The following FBH1 variants were observed in gnomAD, a reference collection of about 807,000 sequenced individuals.
FBH1 encodes F-box DNA helicase 1.
In FBH1, 43 loss-of-function variants were observed where a neutral mutation model predicts 115.5. The observed-to-expected ratio is 0.37, with a 90% confidence interval of 0.29 to 0.48. The LOEUF is 0.48. Ranked by LOEUF, FBH1 falls within the 20% of genes least tolerant of loss-of-function variation. The pLI, the probability that FBH1 is intolerant of heterozygous loss-of-function variation, is 0.99. For synonymous variants in FBH1, 524 were observed against 507.8 expected (o/e 1.03, Z -0.43); for missense variants, 1,001 against 1,337.3 (o/e 0.75, Z 3.92).
chr10:5,913,287 G>C lies in FBH1; in HGVS notation c.1212-460G>C, dbSNP rs1340151404. 3.9e-5 allele frequency among the ~76,000 whole-genome samples: 6 copies of C among 152,214 alleles called. No homozygotes were observed. The highest frequency in any genetic ancestry group is 1.4e-4 in the African/African-American group (6 of 41,454). The stretch of plus-strand genomic sequence containing the variant: ...CTTAAAAGATAGAATGTGTTCATGC[G>C]TCTAAAGCAATGTCATGTCATAAGA... On this transcript the variant is annotated intron_variant, in intron 6 of 20. Transcript: ENST00000362091. The surrounding 1 kb of genome is among the most constrained non-coding windows in gnomAD (Gnocchi z 4.4).
chr10:5,905,824 C>G (rs1210703000), intron 2 of FBH1, among the ~76,000 whole-genome samples: 1 of 152,150 alleles, frequency 6.6e-6, no homozygotes, highest in East Asian at 1.9e-4. Flanking sequence ...TGGTCTCTGT[C>G]TCTTTGCAAA....
Position 5,903,060 on chromosome 10 carries a change from C to T in FBH1, c.42C>T (p.Cys14=), listed in dbSNP as rs771142660. ...GGAAGCATCTTACTGCCATTGACTG[C>T]CAGCATTTGGCTCGGAGTCACTTGG... The part of the protein sequence containing the change: ...FKRKHLTAID[C]QHLARSHLAV... Residue 14 remains cysteine, a synonymous_variant, in exon 2 of 21, where the codon TGC becomes TGT. Coordinates refer to ENST00000362091, the MANE Select transcript of FBH1 (RefSeq NM_178150.3). 6 of 1,613,170 alleles carry T rather than the reference C, an allele frequency of 3.7e-6. No individual in the cohort carries two copies. In the East Asian group the frequency reaches 1.3e-4, roughly 36 times the overall value.
rs1843298286 is a variant in FBH1, at chr10:5,900,757, A to G, written c.2-2263A>G. On this transcript the variant is annotated intron_variant, in intron 1 of 20. Transcript: ENST00000362091. The surrounding 1 kb of genome is among the most constrained non-coding windows in gnomAD (Gnocchi z 4.2). The stretch of plus-strand genomic sequence containing the variant: ...ATAATGAAAAAATATTGTAAACTAT[A>G]TCAGCTAAATCACTGGGGTCTTGGC... 6.6e-6 allele frequency among the ~76,000 whole-genome samples: 1 copy of G among 152,194 alleles called. No homozygotes were observed. The highest frequency in any genetic ancestry group is 2.4e-5 in the African/African-American group (1 of 41,436).
chr10:5,915,826 A>G lies in FBH1; in HGVS notation c.1565+255A>G, dbSNP rs1399559564. On this transcript the variant is annotated intron_variant, in intron 9 of 20. Transcript: ENST00000362091. The surrounding 1 kb of genome is among the most constrained non-coding windows in gnomAD (Gnocchi z 5.2). ...TGGAAGTGAGGCACAGAAAGTCAAA[A>G]TGACTTGCTTAAAGTTCAGAGTCTC... 1.9e-6 allele frequency: 1 copy of G among 517,406 alleles called. No homozygotes were observed. The highest frequency in any genetic ancestry group is 1.9e-5 in the African/African-American group (1 of 52,334). The allele number at this position is 517,406 out of a possible 1,614,324, so 32.1% of individuals were successfully genotyped here. A position where few individuals can be genotyped will look rare whatever the true frequency, so the allele number is the denominator to read the frequency against.
chr10:5,936,584 C>T lies in FBH1; in HGVS notation c.2958C>T (p.Thr986=). ...TVLTMKKLPI[T]YSNRKENKGG... ...TTACCATGAAGAAGCTGCCCATCAC[C>T]TATGTACGTCTGCTGTCTGTGGAAC... is the stretch of plus-strand genomic sequence containing the variant. Residue 986 remains threonine, a synonymous_variant, in exon 20 of 21, where the codon ACC becomes ACT. Transcript: ENST00000362091. This position sits in a 1 kb window ranked among gnomAD's most constrained non-coding sequence, Gnocchi z 5.6. 6.2e-7 allele frequency: 1 copy of T among 1,613,832 alleles called. No homozygotes were observed.
rs1012413421 is a variant in FBH1 at position 5,937,533 on chromosome 10, A to T, written c.*253A>T. On this transcript the variant is annotated 3_prime_UTR_variant, in exon 21 of 21. Transcript: ENST00000362091. Reference sequence around the variant, plus strand: ...TTCTTTTGATAAAAAAAAAAAAAAAAATTTATGTATTTAAACTTTTATTAC... The same window carrying T: ...TTCTTTTGATAAAAAAAAAAAAAAATATTTATGTATTTAAACTTTTATTAC... 6 of 266,246 alleles carry T rather than the reference A, an allele frequency of 2.3e-5. No individual in the cohort carries two copies. Among genetic ancestry groups the T allele is most frequent in the East Asian group, 6.1e-5 (1 of 16,508 alleles). The allele number at this position is 266,246 out of a possible 1,614,324, so 16.5% of individuals were successfully genotyped here.
rs1303543094 is a variant in FBH1 at position 5,931,215 on chromosome 10, C to T, written c.2829+3674C>T. On this transcript the variant is annotated intron_variant, in intron 19 of 20. Coordinates refer to ENST00000362091, the MANE Select transcript of FBH1 (RefSeq NM_178150.3). The surrounding 1 kb of genome is among the most constrained non-coding windows in gnomAD (Gnocchi z 4.3). ...CCCTGGCCATCCTAGCACCCTCCCTCCTTTCTGAGGGTAACTGCCATCTCA... is the reference window on the plus strand; with the variant it reads ...CCCTGGCCATCCTAGCACCCTCCCTTCTTTCTGAGGGTAACTGCCATCTCA... Among the ~76,000 whole-genome samples the T allele has an allele frequency of 2.0e-5, 3 of 152,230 alleles. No homozygotes were observed. The highest frequency in any genetic ancestry group is 7.2e-5 in the African/African-American group (3 of 41,452).
Position 5,923,835 on chromosome 10 carries a change from AG to A in FBH1, c.2398+145del. The stretch of plus-strand genomic sequence containing the variant: ...CTAGTGTTGCTGTCTTCCCATGACG[AG>A]GGGGGTGCCTCGGGCCTCCTGTTTT... On this transcript the variant is annotated intron_variant, in intron 16 of 20. Transcript: ENST00000362091. This position sits in a 1 kb window ranked among gnomAD's most constrained non-coding sequence, Gnocchi z 5.7. 5 of 757,482 alleles carry A rather than the reference AG, an allele frequency of 6.6e-6. No homozygotes were observed. The highest frequency in any genetic ancestry group is 1.8e-5 in the South Asian group (1 of 56,676). The allele number at this position is 757,482 out of a possible 1,614,324, so 46.9% of individuals were successfully genotyped here.
At position 5,915,349 on chromosome 10, in the gene FBH1, T is replaced by C. The variant is rs918866693; in HGVS notation, c.1397-54T>C. 3.1e-6 allele frequency: 5 copies of C among 1,589,280 alleles called. No homozygotes were observed. In the African/African-American group the frequency reaches 6.7e-5, roughly 21 times the overall value. On this transcript the variant is annotated intron_variant, in intron 8 of 20. Transcript: ENST00000362091. The surrounding 1 kb of genome is among the most constrained non-coding windows in gnomAD (Gnocchi z 5.2). ...TGGACAAGGCCTGATTGGGGATCCCTGGGCATGTCTTGTCTGGTCAGAGGG... is the reference window on the plus strand; with the variant it reads ...TGGACAAGGCCTGATTGGGGATCCCCGGGCATGTCTTGTCTGGTCAGAGGG...
chr10:5,934,778 A>T (rs1017121711), intron 19 of FBH1: 5 of 152,202 alleles, frequency 3.3e-5, no homozygotes, highest in African/African-American at 1.2e-4. Flanking sequence ...CAGTGGCACG[A>T]TCTCAACTCA....
At position 5,899,276 on chromosome 10, in the gene FBH1, A is replaced by G. The variant is rs1589050795; in HGVS notation, c.2-3744A>G. Among the ~76,000 whole-genome samples, 6 of 152,030 alleles carry G rather than the reference A, an allele frequency of 3.9e-5. No individual in the cohort carries two copies. The South Asian group carries it at 1.2e-3, about 32-fold the overall frequency. On this transcript the variant is annotated intron_variant, in intron 1 of 20. Transcript: ENST00000362091. ...CTGGGTCTCAGATATGAGTGGTTTG[A>G]TGTTGATCTTGCTCCTTTGTGATTT...
rs1011382368 is a variant in FBH1, at chr10:5,909,930, G to A, written c.1020+636G>A. On this transcript the variant is annotated intron_variant, in intron 5 of 20. Transcript: ENST00000362091. The surrounding 1 kb of genome is among the most constrained non-coding windows in gnomAD (Gnocchi z 4.4). ...TTTCACAGGATGGTTGAAGTGAGAG[G>A]GGATGGGATGTTCCTTTCTTGGAAT... is the stretch of plus-strand genomic sequence containing the variant. 2.0e-5 allele frequency among the ~76,000 whole-genome samples: 3 copies of A among 152,172 alleles called. No individual in the cohort carries two copies. The highest frequency in any genetic ancestry group is 4.4e-5 in the Non-Finnish European group (3 of 68,024).
In FBH1 at chr10:5,921,056, C is replaced by T. The variant is rs140503936; in HGVS notation, c.2101-202C>T. Among the ~76,000 whole-genome samples the T allele has an allele frequency of 4.3e-4, 66 of 152,280 alleles. No homozygotes were observed. Among genetic ancestry groups the T allele is most frequent in the African/African-American group, 1.5e-3 (63 of 41,560 alleles). On this transcript the variant is annotated intron_variant, in intron 13 of 20. Transcript: ENST00000362091. This position sits in a 1 kb window ranked among gnomAD's most constrained non-coding sequence, Gnocchi z 6.4. ...TAGATTTGCTTAAAAGAAAAATTTA[C>T]TATTGGTGTTGAGAATAATGGAAAA...
rs533280914 is a variant in FBH1 at position 5,917,212 on chromosome 10, C to A, written c.1789-208C>A. On this transcript the variant is annotated intron_variant, in intron 10 of 20. Transcript: ENST00000362091. This position sits in a 1 kb window ranked among gnomAD's most constrained non-coding sequence, Gnocchi z 5.6. The stretch of plus-strand genomic sequence containing the variant: ...TCTCTGTCCTGTCACGGGCATGGCA[C>A]GGCCCGGCTGCTTCCTGTCTCAGCA... The A allele has an allele frequency of 3.0e-4, 176 of 580,746 alleles. No individual in the cohort carries two copies. The highest frequency in any genetic ancestry group is 2.9e-3 in the East Asian group (99 of 34,574). The allele number at this position is 580,746 out of a possible 1,614,324, so 36.0% of individuals were successfully genotyped here.
Position 5,906,203 on chromosome 10 carries a change from T to C in FBH1, c.324T>C (p.Ser108=), listed in dbSNP as rs1161837164. 2 of 1,612,828 alleles carry C rather than the reference T, an allele frequency of 1.2e-6. No individual in the cohort carries two copies. The highest frequency in any genetic ancestry group is 8.5e-7 in the Non-Finnish European group (1 of 1,179,344). The change falls in exon 3 of 21, where the codon AGT becomes AGC. Residue 108 remains serine, a synonymous_variant. Transcript: ENST00000362091. This position sits in a 1 kb window ranked among gnomAD's most constrained non-coding sequence, Gnocchi z 7.3. ...ESSCALPQEG[S]AGPGSPGSAP... is the part of the protein sequence containing the mutation. ...GCTGTGCACTGCCTCAGGAAGGCAG[T>C]GCAGGGCCGGGCTCACCAGGGTCTG...
In FBH1 at chr10:5,918,274, G is replaced by A; in HGVS notation, c.1964-68G>A. The A allele has an allele frequency of 6.3e-7, 1 of 1,581,798 alleles. No individual in the cohort carries two copies. Among genetic ancestry groups the A allele is most frequent in the Middle Eastern group, 1.7e-4 (1 of 5,958 alleles). On this transcript the variant is annotated intron_variant, in intron 12 of 20. Transcript: ENST00000362091. This position sits in a 1 kb window ranked among gnomAD's most constrained non-coding sequence, Gnocchi z 4.0. ...GGCTTAGCTTCGTGGAAGTGTTTTT[G>A]TCCTTTTCTTTTTGCTGCCTGGGGT...
chr10:5,930,802 T>C (rs139320283), intron 19 of FBH1, among the ~76,000 whole-genome samples: 143 of 152,372 alleles, frequency 9.4e-4, no homozygotes, highest in Admixed American at 2.0e-3. Flanking sequence ...TAGGCTTTAG[T>C]GCAGTGGCAC....
At position 5,918,212 on chromosome 10, in the gene FBH1, C is replaced by A; in HGVS notation, c.1964-130C>A. ...CTGCTTTTGATGGAGTGTGCCTGTC[C>A]TACAGGAAAAGGCGACCGTGAGGTC... On this transcript the variant is annotated intron_variant, in intron 12 of 20. Coordinates refer to ENST00000362091, the MANE Select transcript of FBH1 (RefSeq NM_178150.3). The surrounding 1 kb of genome is among the most constrained non-coding windows in gnomAD (Gnocchi z 4.0). 2 of 1,073,578 alleles carry A rather than the reference C, an allele frequency of 1.9e-6. No homozygotes were observed. Among genetic ancestry groups the A allele is most frequent in the Non-Finnish European group, 2.7e-6 (2 of 740,718 alleles). The allele number at this position is 1,073,578 out of a possible 1,614,324, so 66.5% of individuals were successfully genotyped here. A position where few individuals can be genotyped will look rare whatever the true frequency, so the allele number is the denominator to read the frequency against.
Position 5,936,357 on chromosome 10 carries a change from G to A in FBH1, c.2830-99G>A. On this transcript the variant is annotated intron_variant, in intron 19 of 20. Coordinates refer to ENST00000362091, the MANE Select transcript of FBH1 (RefSeq NM_178150.3). This position sits in a 1 kb window ranked among gnomAD's most constrained non-coding sequence, Gnocchi z 5.6. ...GGTTTTTCTCTCTGGGACTTACAGT[G>A]CATCTAAAGGGTTCTCACAGAGCCG... 6.6e-6 allele frequency: 9 copies of A among 1,371,318 alleles called. No homozygotes were observed. Among genetic ancestry groups the A allele is most frequent in the Non-Finnish European group, 9.1e-6 (9 of 992,510 alleles). 84.9% of individuals were successfully genotyped at this position (1,371,318 alleles called of 1,614,324 possible).
Sources: gnomAD v4.1 joint callset for allele counts (sites outside exome capture counted in the v4.1 genomes callset) on GRCh38, gnomAD v4.1.1 for gene constraint, Gnocchi (gnomAD v3.1) non-coding constraint, MANE v1.5 for transcripts, NCBI Gene and HGNC (gene_info 2026-07-23, HGNC 2026-07-21) for gene names.